Variants in BACE1 observed in about 807,000 individuals in gnomAD.
The protein encoded by BACE1 is beta-secretase 1, also known as APP beta-secretase.
In BACE1, 21 loss-of-function variants were observed where a neutral mutation model predicts 54.0. The ratio of observed to expected loss-of-function variants is 0.39; its 90% CI spans 0.28 to 0.56. BACE1 has a LOEUF of 0.56. Ranked by LOEUF, BACE1 falls within the 20% of genes least tolerant of loss-of-function variation. The pLI, the probability that BACE1 is intolerant of heterozygous loss-of-function variation, is 0.63. For synonymous variants in BACE1, 232 were observed against 260.9 expected, an observed-to-expected ratio of 0.89 and a Z score of 1.07; for missense variants, 511 against 661.2, an observed-to-expected ratio of 0.77 and a Z score of 2.49.
rs769761591 is a variant in BACE1 at position 117,291,709 on chromosome 11, C to T, written c.942+3G>A. The T allele has an allele frequency of 2.5e-6, 4 of 1,608,770 alleles. No homozygotes were observed. Among genetic ancestry groups the T allele is most frequent in the Non-Finnish European group, 3.4e-6 (4 of 1,175,284 alleles). On this transcript the variant is annotated splice_donor_region_variant and intron_variant, in intron 6 of 8. Transcript: ENST00000313005. ...CTTTTACCCCCATCCTTAGTCCACT[C>T]ACGGAGGAGGCTGCCTTGATGGATT...
chr11:117,289,733 T>C lies in BACE1; in HGVS notation c.1339A>G (p.Ile447Val), dbSNP rs760744113. 4.3e-6 allele frequency: 7 copies of C among 1,614,186 alleles called. No individual in the cohort carries two copies. The South Asian group carries it at 7.7e-5, about 18-fold the overall frequency. Residue 447 changes from isoleucine (I) to valine (V), a missense_variant, in exon 9 of 9, where the codon ATT (isoleucine) becomes GTT (valine). By Grantham distance (29) the Ile-to-Val change is conservative (BLOSUM62 3). Around this residue, in one of 2 missense-constraint regions of BACE1, gnomAD observed 407 missense variants for 565.7 expected, o/e 0.72. Transcript: ENST00000313005. ...TLDMEDCGYN[I>V]PQTDESTLMT... is the part of the protein sequence containing the mutation. ...AGGGTTGACTCATCTGTCTGTGGAA[T>C]GTTGTAGCCACAGTCTTCCATGTCC...
rs770681672 is a variant in BACE1, at chr11:117,286,709, C to G, written c.*2857G>C. On this transcript the variant is annotated 3_prime_UTR_variant, in exon 9 of 9. Coordinates refer to ENST00000313005, the MANE Select transcript of BACE1 (RefSeq NM_012104.6). ...CCTCATTTCTCTTGCCTCACTTGCCCAGGTTTATTGACTAGCGTCAGTTTA... is the reference window on the plus strand; with the variant it reads ...CCTCATTTCTCTTGCCTCACTTGCCGAGGTTTATTGACTAGCGTCAGTTTA... The G allele has an allele frequency of 1.3e-5, 2 of 152,628 alleles. No individual in the cohort carries two copies. The highest frequency in any genetic ancestry group is 2.9e-5 in the Non-Finnish European group (2 of 68,086). 9.5% of individuals were successfully genotyped at this position (152,628 alleles called of 1,614,324 possible). A position where few individuals can be genotyped will look rare whatever the true frequency, so the allele number is the denominator to read the frequency against.
chr11:117,294,681 C>T (rs28989500), intron 3 of BACE1, among the ~76,000 whole-genome samples: 4,320 of 151,422 alleles, frequency 0.029, 97 homozygotes, highest in Non-Finnish European at 0.043. Flanking sequence ...GTCAGGAGTT[C>T]GAGACCAGCC....
chr11:117,300,464 G>A (rs560836994), intron 1 of BACE1, among the ~76,000 whole-genome samples: 31 of 151,384 alleles, frequency 2.0e-4, no homozygotes, highest in African/African-American at 7.3e-4. Flanking sequence ...GCGGGGGGAT[G>A]GGGGGGGCTC....
At position 117,288,582 on chromosome 11, in the gene BACE1, A is replaced by T. The variant is rs1354030666; in HGVS notation, c.*984T>A. On this transcript the variant is annotated 3_prime_UTR_variant, in exon 9 of 9. Coordinates refer to ENST00000313005, the MANE Select transcript of BACE1 (RefSeq NM_012104.6). ...GCCTATGACCAGGAAGACAGAGCCC[A>T]GCCCTGCTATAGTCCAGTTGCTCTC... The T allele has an allele frequency of 6.6e-6, 1 of 152,602 alleles. No individual in the cohort carries two copies. The highest frequency in any genetic ancestry group is 1.5e-5 in the Non-Finnish European group (1 of 68,046). The allele number at this position is 152,602 out of a possible 1,614,324, so 9.5% of individuals were successfully genotyped here.
Position 117,293,082 on chromosome 11 carries a change from C to G in BACE1, c.812G>C (p.Gly271Ala). The G allele has an allele frequency of 6.2e-7, 1 of 1,614,036 alleles. No individual in the cohort carries two copies. Among genetic ancestry groups the G allele is most frequent in the Admixed American group, 1.7e-5 (1 of 60,006 alleles). ...EVIIVRVEIN[G>A]QDLKMDCKEY... ...CTTGCAGTCCATTTTCAGATCCTGT[C>G]CATTGATCTCCACCCGCACAATGAT... The change falls in exon 5 of 9, where the codon GGA becomes GCA. Residue 271 changes from glycine (G) to alanine (A), a missense_variant. Gly to Ala is a moderately conservative substitution (Grantham distance 60, BLOSUM62 0). Around this residue, in one of 2 missense-constraint regions of BACE1, gnomAD observed 407 missense variants for 565.7 expected, o/e 0.72. Coordinates refer to ENST00000313005, the MANE Select transcript of BACE1 (RefSeq NM_012104.6). The surrounding 1 kb of genome is among the most constrained non-coding windows in gnomAD (Gnocchi z 4.1).
chr11:117,290,524 G>T lies in BACE1; in HGVS notation c.1228C>A (p.Arg410=). 1 of 1,614,136 alleles carries T rather than the reference G, an allele frequency of 6.2e-7. No homozygotes were observed. The part of the protein sequence containing the change: ...EGFYVVFDRA[R]KRIGFAVSAC... ...CTGACAGCAAAGCCAATTCGTTTTC[G>T]GGCCCGATCAAAGACAACGTAGAAG... Residue 410 remains arginine (R), a synonymous_variant, in exon 8 of 9, where the codon CGA becomes AGA. Coordinates refer to ENST00000313005, the MANE Select transcript of BACE1 (RefSeq NM_012104.6).
At chr11:117,314,318 G>A (rs551960286) in intron 1 of BACE1, among the ~76,000 whole-genome samples, 2 of 152,294 alleles carry the variant, frequency 1.3e-5, no homozygotes, top group South Asian at 4.1e-4. Flanking sequence ...AGAAAGTGGG[G>A]AAGACCAGGC....
chr11:117,316,217 T>G lies in BACE1; in HGVS notation c.-422A>C, dbSNP rs1287411624. The G allele has an allele frequency of 2.3e-6, 1 of 436,118 alleles. No individual in the cohort carries two copies. Among genetic ancestry groups the G allele is most frequent in the Non-Finnish European group, 4.1e-6 (1 of 244,644 alleles). The allele number at this position is 436,118 out of a possible 1,614,324, so 27.0% of individuals were successfully genotyped here. A position where few individuals can be genotyped will look rare whatever the true frequency, so the allele number is the denominator to read the frequency against. On this transcript the variant is annotated 5_prime_UTR_variant, in exon 1 of 9. Coordinates refer to ENST00000313005, the MANE Select transcript of BACE1 (RefSeq NM_012104.6). The stretch of plus-strand genomic sequence containing the variant: ...AGGCCACCATAATCCAGCTCGCGGC[T>G]CGCAGCTCCCGGGCGGGCTGGGGAG...
At chr11:117,291,657 C>A in intron 6 of BACE1, 55 bp downstream of exon 6, 1 of 1,302,606 alleles carries the variant, frequency 7.7e-7, no homozygotes, top group East Asian at 2.3e-5. Flanking sequence ...GTGACTCTCA[C>A]CGCCTCCCTC....
chr11:117,300,175 A>G (rs551573072), intron 1 of BACE1, among the ~76,000 whole-genome samples: 2 of 152,054 alleles, frequency 1.3e-5, no homozygotes, highest in Admixed American at 1.3e-4. Context: ...GGCCGAGCCC[A>G]GGAAGGAACG....
At chr11:117,299,641 C>T in intron 1 of BACE1, 1 of 397,340 alleles carries the variant, frequency 2.5e-6, no homozygotes, top group South Asian at 1.8e-5. Flanking sequence ...TGCCCCTCTT[C>T]CCCTACCTCT....
At chr11:117,305,428 C>G (rs1008657046) in intron 1 of BACE1, among the ~76,000 whole-genome samples, 2 of 152,106 alleles carry the variant, frequency 1.3e-5, no homozygotes, top group Non-Finnish European at 2.9e-5. Context: ...CAAATGGACT[C>G]CTTTTCCCAG....
At chr11:117,292,845 GTT>G in intron 5 of BACE1, 4 of 504,258 alleles carry the variant, frequency 7.9e-6, no homozygotes, top group East Asian at 3.8e-5. Flanking sequence ...CTAGTTCCAT[GTT>G]TTTTTTTTCA....
At chr11:117,306,893 G>A (rs999072647) in intron 1 of BACE1, among the ~76,000 whole-genome samples, 2 of 152,180 alleles carry the variant, frequency 1.3e-5, no homozygotes, top group Non-Finnish European at 2.9e-5. Flanking sequence ...CCTACAGTGC[G>A]CAGCAGAGAG....
At chr11:117,292,932 TC>T in intron 5 of BACE1, 121 bp downstream of exon 5, 1 of 1,254,684 alleles carries the variant, frequency 8.0e-7, no homozygotes, top group Non-Finnish European at 1.1e-6. Context: ...AGGCTCAACT[TC>T]CAACCCTTTC....
At chr11:117,310,782 G>C (rs544007240) in intron 1 of BACE1, among the ~76,000 whole-genome samples, 2 of 152,298 alleles carry the variant, frequency 1.3e-5, no homozygotes, top group South Asian at 4.1e-4. Flanking sequence ...TACAAGTGTA[G>C]TAATGGAGAT....
At chr11:117,314,029 T>C (rs977145433) in intron 1 of BACE1, among the ~76,000 whole-genome samples, 1 of 152,176 alleles carries the variant, frequency 6.6e-6, no homozygotes, top group Non-Finnish European at 1.5e-5. Context: ...GGAAAAGCTG[T>C]GGGTGGTAGA....
intron 1 of BACE1, among the ~76,000 whole-genome samples, chr11:117,312,890 C>T (rs747391009): frequency 1.3e-5 from 2 of 152,302 alleles, no homozygotes; most frequent in East Asian, 1.9e-4. Context: ...TTGCCGACCT[C>T]GCTTTGAGTA....
Sources: gnomAD v4.1 joint callset for allele counts (sites outside exome capture counted in the v4.1 genomes callset) on GRCh38, gnomAD v4.1.1 for gene constraint, gnomAD v4.1.1 regional missense constraint, Gnocchi (gnomAD v3.1) non-coding constraint, MANE v1.5 for transcripts, NCBI Gene and HGNC (gene_info 2026-07-23, HGNC 2026-07-21) for gene names.